SPACA6: variants seen among roughly 807,000 people sequenced by gnomAD.
SPACA6 encodes sperm acrosome membrane-associated protein 6.
For synonymous variants in SPACA6, 6 were observed against 1.5 expected (o/e 4.05, Z -2.21); for missense variants, 8 against 2.8 (o/e 2.88, Z -1.34).
chr19:51,683,202 A>G, the SPACA6 span, among the ~76,000 whole-genome samples: 1 of 152,254 alleles, frequency 6.6e-6, no homozygotes. Context: ...CTTGGCTTGT[A>G]GATGCATCAC....
intron 3 of SPACA6, 76 bp downstream of exon 3, chr19:51,701,802 G>A: frequency 2.5e-6 from 1 of 392,694 alleles, no homozygotes. Flanking sequence ...GCCGGGGATG[G>A]TGGCTCACGC....
At chr19:51,706,667 ACT>A (rs890503276), downstream of SPACA6, among the ~76,000 whole-genome samples, 1 of 147,152 alleles carries the variant, frequency 6.8e-6, no homozygotes, top group Non-Finnish European at 1.5e-5. Flanking sequence ...CCTAATGTTA[ACT>A]CTTTTTTTTT....
In SPACA6 at chr19:51,693,558, C is replaced by T. The variant is rs1241254964; in HGVS notation, c.32C>T (p.Pro11Leu). The T allele has an allele frequency of 1.7e-5, 8 of 460,178 alleles. No homozygotes were observed. Among genetic ancestry groups the T allele is most frequent in the Admixed American group, 3.3e-5 (1 of 30,044 alleles). 28.5% of individuals were successfully genotyped at this position (460,178 alleles called of 1,614,324 possible). MALLALASAV[P>L]SALLALAVFR... Reference sequence around the variant, plus strand: ...CTGCTGGCTCTGGCCAGTGCCGTCCCGTCTGCCCTGCTGGCCCTGGCTGTC... The same window carrying T: ...CTGCTGGCTCTGGCCAGTGCCGTCCTGTCTGCCCTGCTGGCCCTGGCTGTC... Residue 11 changes from proline (P) to leucine (L), a missense_variant, in exon 1 of 9, where the codon CCG becomes CTG. Transcript: ENST00000637797.
chr19:51,706,224 CATG>C (rs1289312772), downstream of SPACA6, among the ~76,000 whole-genome samples: 2 of 152,176 alleles, frequency 1.3e-5, no homozygotes, highest in Non-Finnish European at 2.9e-5. Flanking sequence ...TCGCATTCAT[CATG>C]ATACTTCTTG....
At chr19:51,701,338 C>G (rs2083467009) in intron 2 of SPACA6, among the ~76,000 whole-genome samples, 1 of 152,122 alleles carries the variant, frequency 6.6e-6, no homozygotes, top group African/African-American at 2.4e-5. Context: ...GATCTTTATC[C>G]TCCCCTTCTC....
chr19:51,709,124 G>A (rs1250058766), downstream of SPACA6, among the ~76,000 whole-genome samples: 2 of 151,964 alleles, frequency 1.3e-5, no homozygotes, highest in Non-Finnish European at 2.9e-5. Context: ...AGCACTTTGG[G>A]GGACCGAGGC....
chr19:51,704,502 G>A (rs1408788079), intron 8 of SPACA6, 22 bp downstream of exon 8: 4 of 400,936 alleles, frequency 1.0e-5, no homozygotes, highest in Admixed American at 4.4e-5. Flanking sequence ...GGACTCCGGA[G>A]CCCCAGCATC....
intron 1 of SPACA6, chr19:51,693,981 G>GA (rs35539331): frequency 0.17 from 58,340 of 341,528 alleles, 5,112 homozygotes; most frequent in South Asian, 0.21. Context: ...GACTCAGAGA[G>GA]GGGGAGGATG....
chr19:51,703,043 T>C lies in SPACA6; in HGVS notation c.408T>C (p.Arg136=). ...PPCGLQEFAR[R]FLCSGCYSRV... is the part of the protein sequence containing the mutation. ...CAGGTCTCCAGGAGTTCGCCCGGCG[T>C]TTCCTCTGCAGCGGGTGCTACTCTA... is the stretch of plus-strand genomic sequence containing the variant. The change falls in exon 5 of 9, where the codon CGT becomes CGC. Residue 136 remains arginine, a synonymous_variant. Transcript: ENST00000637797. The surrounding 1 kb of genome is among the most constrained non-coding windows in gnomAD (Gnocchi z 4.2). 2 of 399,198 alleles carry C rather than the reference T, an allele frequency of 5.0e-6. No homozygotes were observed. The highest frequency in any genetic ancestry group is 8.8e-6 in the Non-Finnish European group (2 of 226,174). The allele number at this position is 399,198 out of a possible 1,614,324, so 24.7% of individuals were successfully genotyped here.
intron 4 of SPACA6, 79 bp from the exon 5 acceptor site, chr19:51,702,942 T>A (rs2083481030): frequency 2.5e-6 from 1 of 399,110 alleles, no homozygotes; most frequent in Non-Finnish European, 4.4e-6. Context: ...CCCGGGAAGC[T>A]GCATGGATCT....
chr19:51,701,846 G>A, intron 3 of SPACA6, 120 bp downstream of exon 3: 1 of 381,636 alleles, frequency 2.6e-6, no homozygotes, highest in Non-Finnish European at 4.7e-6. Flanking sequence ...GCTGAGGCGG[G>A]CAGATCACTT....
At chr19:51,708,737 G>C (rs1220013242), downstream of SPACA6, among the ~76,000 whole-genome samples, 2 of 152,146 alleles carry the variant, frequency 1.3e-5, no homozygotes, top group Non-Finnish European at 2.9e-5. Context: ...TGAAGCACGA[G>C]AATTGCTTGA....
upstream of SPACA6, among the ~76,000 whole-genome samples, chr19:51,684,825 G>T (rs1180116410): frequency 6.6e-6 from 1 of 152,224 alleles, no homozygotes; most frequent in Non-Finnish European, 1.5e-5. Context: ...GCTGTGGGTT[G>T]GACAAGCTTG....
upstream of SPACA6, among the ~76,000 whole-genome samples, chr19:51,692,280 T>C (rs1416649495): frequency 2.6e-5 from 4 of 151,756 alleles, no homozygotes; most frequent in Non-Finnish European, 5.9e-5. This position sits in a 1 kb window ranked among gnomAD's most constrained non-coding sequence, Gnocchi z 5.6. Context: ...TATCAGGCCA[T>C]GCCTTCCCCA....
chr19:51,702,665 T>G lies in SPACA6; in HGVS notation c.385+13T>G. On this transcript the variant is annotated intron_variant, in intron 4 of 8. Coordinates refer to ENST00000637797, the MANE Select transcript of SPACA6 (RefSeq NM_001316972.2). ...ATCCCTCCCTGCGGTAAGGACTTCATCTAAAACTTGGAAATTGCGGGGTAA... is the reference window on the plus strand; with the variant it reads ...ATCCCTCCCTGCGGTAAGGACTTCAGCTAAAACTTGGAAATTGCGGGGTAA... 1 of 399,132 alleles carries G rather than the reference T, an allele frequency of 2.5e-6. No individual in the cohort carries two copies. Among genetic ancestry groups the G allele is most frequent in the Non-Finnish European group, 4.4e-6 (1 of 226,160 alleles). The allele number at this position is 399,132 out of a possible 1,614,324, so 24.7% of individuals were successfully genotyped here.
rs759623393 is a variant in SPACA6 at position 51,693,358 on chromosome 19, A to G, written c.-169A>G. The stretch of plus-strand genomic sequence containing the variant: ...TCTGGCCCAACCACACACCTGGGGA[A>G]TTGCTGGCCTGACTTCTGACCCCTG... On this transcript the variant is annotated 5_prime_UTR_variant, in exon 1 of 9. Coordinates refer to ENST00000637797, the MANE Select transcript of SPACA6 (RefSeq NM_001316972.2). 1.4e-6 allele frequency: 1 copy of G among 725,746 alleles called. No individual in the cohort carries two copies. Among genetic ancestry groups the G allele is most frequent in the Non-Finnish European group, 2.6e-6 (1 of 384,326 alleles). 45.0% of individuals were successfully genotyped at this position (725,746 alleles called of 1,614,324 possible). A position where few individuals can be genotyped will look rare whatever the true frequency, so the allele number is the denominator to read the frequency against.
At chr19:51,701,263 G>A (rs1387259078) in intron 2 of SPACA6, among the ~76,000 whole-genome samples, 1 of 152,036 alleles carries the variant, frequency 6.6e-6, no homozygotes, top group Non-Finnish European at 1.5e-5. Flanking sequence ...AGTAGGGATG[G>A]GACAGGGAGG....
chr19:51,683,018 G>T, the SPACA6 span, among the ~76,000 whole-genome samples: 77,381 of 151,994 alleles, frequency 0.51, 20,923 homozygotes, highest in East Asian at 0.69. Context: ...ACTCCAGCCT[G>T]GGTGGCAGAG....
chr19:51,698,258 C>A (rs572442276), intron 2 of SPACA6, among the ~76,000 whole-genome samples: 1 of 152,318 alleles, frequency 6.6e-6, no homozygotes, highest in South Asian at 2.1e-4. Context: ...CCCAGATGAT[C>A]TGAACCAGGG....
Sources: gnomAD v4.1 joint callset for allele counts (sites outside exome capture counted in the v4.1 genomes callset) on GRCh38, gnomAD v4.1.1 for gene constraint, Gnocchi (gnomAD v3.1) non-coding constraint, MANE v1.5 for transcripts, NCBI Gene and HGNC (gene_info 2026-07-23, HGNC 2026-07-21) for gene names.